STAU2: variants seen among roughly 807,000 people sequenced by gnomAD.
STAU2 encodes the protein double-stranded RNA-binding protein Staufen homolog 2.
Under a neutral mutation model 65.9 loss-of-function variants are expected in STAU2, and 20 were observed. The observed-to-expected ratio is 0.30, with a 90% CI of 0.21 to 0.44. STAU2 has a LOEUF of 0.44. Ranked by LOEUF, STAU2 falls within the 20% of genes least tolerant of loss-of-function variation. The pLI is 1.00. For synonymous variants in STAU2, 232 were observed against 233.9 expected (o/e 0.99, Z 0.07); for missense variants, 558 against 683.9 (o/e 0.82, Z 2.05).
intron 1 of STAU2, chr8:73,742,146 A>G: frequency 2.1e-6 from 2 of 930,372 alleles, no homozygotes; most frequent in Non-Finnish European, 2.6e-6. Flanking sequence ...AGACACGCCC[A>G]GTCTACTGTC....
intron 5 of STAU2, 42 bp downstream of exon 5, chr8:73,688,612 C>A: frequency 6.2e-7 from 1 of 1,609,134 alleles, no homozygotes. Context: ...ACAAGCAGAA[C>A]ACACATAGCA....
chr8:73,559,886 T>C (rs545723911), intron 12 of STAU2, among the ~76,000 whole-genome samples: 92 of 151,502 alleles, frequency 6.1e-4, no homozygotes, highest in African/African-American at 2.1e-3. Flanking sequence ...ACTTATGAAA[T>C]CAAAAATCAA....
chr8:73,546,148 G>GTTTTTTTTTTTTTTTTTT (rs1563412799), intron 13 of STAU2, among the ~76,000 whole-genome samples: 5 of 116,462 alleles, frequency 4.3e-5, no homozygotes, highest in Non-Finnish European at 4.8e-5. Flanking sequence ...TTTTTTTTTG[G>GTTTTTTTTTTTTTTTTTT]TAGAGACAGA....
At chr8:73,618,937 G>A (rs927047658) in intron 6 of STAU2, among the ~76,000 whole-genome samples, 2 of 152,210 alleles carry the variant, frequency 1.3e-5, no homozygotes, top group African/African-American at 4.8e-5. Flanking sequence ...TTGAGACAGT[G>A]AAGATTGCAA....
intron 13 of STAU2, among the ~76,000 whole-genome samples, chr8:73,430,143 C>A (rs1025516860): frequency 2.0e-5 from 3 of 152,194 alleles, no homozygotes; most frequent in Non-Finnish European, 4.4e-5. Context: ...TCTGAAAATT[C>A]TTTTTCATTT....
chr8:73,608,953 G>A (rs1019554139), intron 9 of STAU2, among the ~76,000 whole-genome samples: 12 of 152,118 alleles, frequency 7.9e-5, no homozygotes, highest in Non-Finnish European at 1.2e-4. Flanking sequence ...ACTCCAGCCT[G>A]GGCAACAAGA....
Position 73,673,320 on chromosome 8 carries a change from G to A in STAU2, c.275-78C>T, listed in dbSNP as rs187070831. 92 of 1,319,016 alleles carry A rather than the reference G, an allele frequency of 7.0e-5. No individual in the cohort carries two copies. The East Asian group carries it at 1.8e-3, about 26-fold the overall frequency. 81.7% of individuals were successfully genotyped at this position (1,319,016 alleles called of 1,614,324 possible). A position where few individuals can be genotyped will look rare whatever the true frequency, so the allele number is the denominator to read the frequency against. ...AACATGCAAGCTATATTTATACAAC[G>A]CTTAAATACCATGGAAGAAGGTAAG... On this transcript the variant is annotated intron_variant, in intron 5 of 14. Transcript: ENST00000524300.
At chr8:73,591,901 A>AAAAAAAC (rs1810824689) in intron 11 of STAU2, among the ~76,000 whole-genome samples, 1 of 142,072 alleles carries the variant, frequency 7.0e-6, no homozygotes, top group Non-Finnish European at 1.5e-5. Flanking sequence ...AAAAAAAAAA[A>AAAAAAAC]AAAAAAAAAA....
intron 13 of STAU2, among the ~76,000 whole-genome samples, chr8:73,434,832 G>A (rs1307644578): frequency 6.6e-6 from 1 of 151,664 alleles, no homozygotes; most frequent in African/African-American, 2.4e-5. Context: ...TCTCTCACTT[G>A]TCTTCCTAAG....
intron 13 of STAU2, among the ~76,000 whole-genome samples, chr8:73,494,177 G>GA (rs1322286099): frequency 1.3e-5 from 2 of 151,652 alleles, no homozygotes; most frequent in African/African-American, 4.8e-5. Flanking sequence ...TATCTCAAAA[G>GA]AAAAAAGGAA....
intron 13 of STAU2, among the ~76,000 whole-genome samples, chr8:73,477,881 T>C (rs779705994): frequency 5.9e-5 from 9 of 152,126 alleles, no homozygotes; most frequent in Non-Finnish European, 1.3e-4. Flanking sequence ...GGTTGAGACA[T>C]GTTGAGATAA....
intron 9 of STAU2, among the ~76,000 whole-genome samples, chr8:73,609,715 T>G (rs888408297): frequency 1.3e-5 from 2 of 151,786 alleles, no homozygotes; most frequent in Non-Finnish European, 2.9e-5. Flanking sequence ...AAAAGACAAA[T>G]CCACATAATA....
chr8:73,625,554 A>G (rs1813576135), intron 6 of STAU2, among the ~76,000 whole-genome samples: 1 of 152,158 alleles, frequency 6.6e-6, no homozygotes, highest in Non-Finnish European at 1.5e-5. Flanking sequence ...GGGAGGATGG[A>G]GTTTGAGGAG....
At chr8:73,445,517 C>T (rs1186406851) in intron 13 of STAU2, among the ~76,000 whole-genome samples, 1 of 152,100 alleles carries the variant, frequency 6.6e-6, no homozygotes, top group East Asian at 1.9e-4. Context: ...TACATTGGAC[C>T]TCATCAAATT....
At chr8:73,427,147 C>T (rs1386094276) in intron 13 of STAU2, among the ~76,000 whole-genome samples, 3 of 151,946 alleles carry the variant, frequency 2.0e-5, no homozygotes, top group South Asian at 2.1e-4. Flanking sequence ...AGGCTGGTCT[C>T]GAACTCCCGA....
At chr8:73,612,877 T>C (rs1423873276) in intron 9 of STAU2, among the ~76,000 whole-genome samples, 1 of 152,192 alleles carries the variant, frequency 6.6e-6, no homozygotes, top group Non-Finnish European at 1.5e-5. Context: ...TTTAAGGCTT[T>C]CTCTGGAAAC....
At chr8:73,708,162 T>C (rs1265104061) in intron 4 of STAU2, among the ~76,000 whole-genome samples, 2 of 152,222 alleles carry the variant, frequency 1.3e-5, no homozygotes, top group Non-Finnish European at 2.9e-5. Flanking sequence ...AAACCATTAA[T>C]AGAAAACAAA....
intron 10 of STAU2, among the ~76,000 whole-genome samples, chr8:73,598,462 C>G (rs943843338): frequency 6.6e-6 from 1 of 152,016 alleles, no homozygotes; most frequent in African/African-American, 2.4e-5. Flanking sequence ...CTCCTGACCT[C>G]GTGATCCGCC....
At chr8:73,655,024 G>A (rs555334879) in intron 6 of STAU2, among the ~76,000 whole-genome samples, 1 of 152,284 alleles carries the variant, frequency 6.6e-6, no homozygotes, top group South Asian at 2.1e-4. Context: ...CTATGCATGT[G>A]TAAATCAGGA....
Sources: gnomAD v4.1 joint callset for allele counts (sites outside exome capture counted in the v4.1 genomes callset) on GRCh38, gnomAD v4.1.1 for gene constraint, MANE v1.5 for transcripts, NCBI Gene and HGNC (gene_info 2026-07-23, HGNC 2026-07-21) for gene names.